TFCP2: variants seen among roughly 807,000 people sequenced by gnomAD.
The protein encoded by TFCP2 is transcription factor CP2.
In TFCP2, 33 loss-of-function variants were observed where a neutral mutation model predicts 73.4. The ratio of observed to expected loss-of-function variants is 0.45; its 90% confidence interval spans 0.34 to 0.60. TFCP2 has a LOEUF of 0.60. Among genes scored for constraint, TFCP2 ranks in the 20% least tolerant of loss-of-function variants. The pLI, the probability that TFCP2 is intolerant of heterozygous loss-of-function variation, is 0.01. For missense variants in TFCP2, 352 were observed against 604.0 expected (o/e 0.58, Z 4.37); for synonymous variants, 193 against 211.6 (o/e 0.91, Z 0.76).
At chr12:51,125,063 A>G (rs769327555) in intron 1 of TFCP2, 8 of 752,726 alleles carry the variant, frequency 1.1e-5, no homozygotes, top group Non-Finnish European at 2.0e-5. Context: ...ACGTCAGCAC[A>G]GGCTCATCAT....
At chr12:51,119,517 G>A (rs1449630909) in intron 1 of TFCP2, among the ~76,000 whole-genome samples, 2 of 152,140 alleles carry the variant, frequency 1.3e-5, no homozygotes, top group East Asian at 1.9e-4. Context: ...TTGGGAGGCC[G>A]AGGTGGGCGG....
intron 1 of TFCP2, among the ~76,000 whole-genome samples, chr12:51,161,903 AC>A (rs1312867711): frequency 9.3e-5 from 14 of 150,780 alleles, no homozygotes; most frequent in African/African-American, 2.9e-4. Context: ...AAACAAACAA[AC>A]AAACAAAAAA....
At chr12:51,148,699 C>CAAAAAA (rs140565414) in intron 1 of TFCP2, among the ~76,000 whole-genome samples, 31 of 100,098 alleles carry the variant, frequency 3.1e-4, no homozygotes, top group Non-Finnish European at 4.1e-4. Flanking sequence ...GACTCTGTCT[C>CAAAAAA]AAAAAAAAAA....
At chr12:51,104,878 A>T (rs111305637) in intron 8 of TFCP2, among the ~76,000 whole-genome samples, 22,102 of 151,344 alleles carry the variant, frequency 0.15, 2,024 homozygotes, top group East Asian at 0.49. Context: ...CACCCGGCTA[A>T]TTTTTTTATA....
intron 1 of TFCP2, among the ~76,000 whole-genome samples, chr12:51,146,590 T>C (rs536887320): frequency 6.6e-6 from 1 of 152,288 alleles, no homozygotes; most frequent in South Asian, 2.1e-4. Flanking sequence ...CTAAGTATAC[T>C]AGAACAATAA....
intron 1 of TFCP2, among the ~76,000 whole-genome samples, chr12:51,146,369 C>T (rs1157047233): frequency 1.3e-5 from 2 of 151,424 alleles, no homozygotes; most frequent in Non-Finnish European, 2.9e-5. Context: ...AAGGCCAAAC[C>T]TCCCTCCCCC....
chr12:51,125,065 G>A (rs762558919), intron 1 of TFCP2: 8 of 752,680 alleles, frequency 1.1e-5, no homozygotes, highest in African/African-American at 1.0e-4. Context: ...GTCAGCACAG[G>A]CTCATCATAG....
At chr12:51,124,707 A>G (rs765048661) in intron 1 of TFCP2, 7 of 675,238 alleles carry the variant, frequency 1.0e-5, no homozygotes, top group East Asian at 3.0e-5. Flanking sequence ...TGAGTTGGCA[A>G]TCAGCTCGGT....
intron 1 of TFCP2, among the ~76,000 whole-genome samples, chr12:51,121,837 T>C (rs1592805219): frequency 6.6e-6 from 1 of 152,138 alleles, no homozygotes; most frequent in African/African-American, 2.4e-5. Context: ...ATTTAAATAT[T>C]AAGCTTCTAA....
chr12:51,138,731 C>T (rs972507222), intron 1 of TFCP2, among the ~76,000 whole-genome samples: 2 of 152,180 alleles, frequency 1.3e-5, no homozygotes, highest in South Asian at 4.2e-4. Flanking sequence ...ATCCGCCTCC[C>T]GGGTCCAAGC....
rs1939893906 is a variant in TFCP2 at position 51,093,982 on chromosome 12, CA to C, written c.*1258del. On this transcript the variant is annotated 3_prime_UTR_variant, in exon 15 of 15. Transcript: ENST00000257915. ...GAAAACCCATGATGTTACACTTACA[CA>C]CTTACACACACACACACACACACAC... 2 of 126,644 alleles carry C rather than the reference CA, an allele frequency of 1.6e-5. No homozygotes were observed. The highest frequency in any genetic ancestry group is 6.9e-5 in the African/African-American group (2 of 29,020). The allele number at this position is 126,644 out of a possible 1,614,324, so 7.8% of individuals were successfully genotyped here.
chr12:51,139,294 C>CA (rs1408444876), intron 1 of TFCP2, among the ~76,000 whole-genome samples: 2 of 152,116 alleles, frequency 1.3e-5, no homozygotes, highest in African/African-American at 2.4e-5. Flanking sequence ...ACATGGCTCC[C>CA]AAAACTCTTC....
intron 6 of TFCP2, 135 bp from the exon 7 acceptor site, chr12:51,107,481 A>C (rs933875284): frequency 2.9e-6 from 2 of 685,844 alleles, no homozygotes; most frequent in Non-Finnish European, 5.1e-6. Flanking sequence ...ACATCACTTT[A>C]AGTTTGAAAA....
chr12:51,103,681 G>C lies in TFCP2; in HGVS notation c.1049C>G (p.Thr350Arg), dbSNP rs1940162382. 6.2e-7 allele frequency: 1 copy of C among 1,613,310 alleles called. No homozygotes were observed. Among genetic ancestry groups the C allele is most frequent in the Admixed American group, 1.7e-5 (1 of 59,826 alleles). Residue 350 changes from threonine to arginine, a missense_variant, in exon 10 of 15, where the codon ACA becomes AGA. By Grantham distance (71) the Thr-to-Arg change is moderately conservative. Around this residue, in one of 6 missense-constraint regions of TFCP2, gnomAD observed 194 missense variants for 256.3 expected, o/e 0.76. Coordinates refer to ENST00000257915, the MANE Select transcript of TFCP2 (RefSeq NM_005653.5). ...NRFSTFTRLF[T>R]NFSGADLLKL... ...AAAGAAAATTTAACCTGAGAAGTTTGTGAAAAGCCTTGTGAATGTAGAAAA... is the reference window on the plus strand; with the variant it reads ...AAAGAAAATTTAACCTGAGAAGTTTCTGAAAAGCCTTGTGAATGTAGAAAA...
rs1257737226 is a variant in TFCP2 at position 51,095,233 on chromosome 12, C to G, written c.*8G>C. 3.1e-6 allele frequency: 5 copies of G among 1,614,030 alleles called. No homozygotes were observed. The African/African-American group carries it at 6.7e-5, about 22-fold the overall frequency. On this transcript the variant is annotated 3_prime_UTR_variant, in exon 15 of 15. Transcript: ENST00000257915. ...AGGAGCAGCCACTGGGCACGAAACG[C>G]CGCACTCCTACTTCAGTATGATATG...
chr12:51,113,627 T>G (rs4768965), intron 4 of TFCP2, among the ~76,000 whole-genome samples: 151,019 of 152,294 alleles, frequency 0.99, 74,892 homozygotes, highest in Middle Eastern at 1. Flanking sequence ...AAAGTTGGAG[T>G]TCTCATGCTT....
At chr12:51,132,816 A>C (rs1471953044) in intron 1 of TFCP2, among the ~76,000 whole-genome samples, 1 of 152,146 alleles carries the variant, frequency 6.6e-6, no homozygotes, top group Non-Finnish European at 1.5e-5. Flanking sequence ...ACACGGAAAG[A>C]GAGCGAGCTC....
At chr12:51,137,600 C>G (rs1359031503) in intron 1 of TFCP2, among the ~76,000 whole-genome samples, 7 of 152,124 alleles carry the variant, frequency 4.6e-5, no homozygotes, top group Non-Finnish European at 8.8e-5. Flanking sequence ...GAAAACATCA[C>G]CTGTGGCATC....
intron 1 of TFCP2, chr12:51,125,176 T>A (rs1022103778): frequency 2.9e-6 from 2 of 700,060 alleles, no homozygotes; most frequent in African/African-American, 3.5e-5. Context: ...TTGCTACCAG[T>A]GATGATTGGT....
Sources: gnomAD v4.1 joint callset for allele counts (sites outside exome capture counted in the v4.1 genomes callset) on GRCh38, gnomAD v4.1.1 for gene constraint, gnomAD v4.1.1 regional missense constraint, MANE v1.5 for transcripts, NCBI Gene and HGNC (gene_info 2026-07-23, HGNC 2026-07-21) for gene names.